PCDHGA9: variants seen among roughly 807,000 people sequenced by gnomAD.
The protein encoded by PCDHGA9 is protocadherin gamma-A9.
A neutral mutation model predicts 62.5 loss-of-function variants in PCDHGA9; 37 were observed. That is an observed-to-expected ratio of 0.59 (90% CI 0.46 to 0.78). PCDHGA9 has a LOEUF of 0.78. Among genes scored for constraint, PCDHGA9 ranks in the 30% least tolerant of loss-of-function variants. The pLI is 0.00. For missense variants in PCDHGA9, 1,138 were observed against 1,166.2 expected (o/e 0.98, Z 0.35); for synonymous variants, 459 against 484.6 (o/e 0.95, Z 0.69).
At chr5:141,495,480 C>A (rs2099761689) in intron 2 of PCDHGA9, among the ~76,000 whole-genome samples, 1 of 152,208 alleles carries the variant, frequency 6.6e-6, no homozygotes, top group African/African-American at 2.4e-5. Flanking sequence ...CGTGTCTCTG[C>A]CCCTTTTTCT....
intron 1 of PCDHGA9, among the ~76,000 whole-genome samples, chr5:141,448,040 C>T (rs892207188): frequency 6.6e-6 from 1 of 151,850 alleles, no homozygotes; most frequent in Admixed American, 6.6e-5. Context: ...GAGCCAAGAT[C>T]ATGCCATTGC....
At chr5:141,430,078 T>A (rs911861599) in intron 1 of PCDHGA9, among the ~76,000 whole-genome samples, 2 of 152,282 alleles carry the variant, frequency 1.3e-5, no homozygotes, top group Admixed American at 1.3e-4. Context: ...TTCCATAATA[T>A]CATGAAAATT....
In PCDHGA9 at chr5:141,511,829, G is replaced by A. The variant is rs1181369164; in HGVS notation, c.*656G>A. 1 of 156,774 alleles carries A rather than the reference G, an allele frequency of 6.4e-6. No individual in the cohort carries two copies. Among genetic ancestry groups the A allele is most frequent in the Non-Finnish European group, 1.4e-5 (1 of 70,652 alleles). The allele number at this position is 156,774 out of a possible 1,614,324, so 9.7% of individuals were successfully genotyped here. Reference sequence around the variant, plus strand: ...TACCAAGCCTCTTCCCAACGCCCTGGGGACCAGTCTTCTGTTTTGTTTTTC... The same window carrying A: ...TACCAAGCCTCTTCCCAACGCCCTGAGGACCAGTCTTCTGTTTTGTTTTTC... On this transcript the variant is annotated 3_prime_UTR_variant, in exon 4 of 4. Transcript: ENST00000573521.
chr5:141,501,442 T>C (rs1202229661), intron 2 of PCDHGA9, among the ~76,000 whole-genome samples: 1 of 152,016 alleles, frequency 6.6e-6, no homozygotes, highest in African/African-American at 2.4e-5. Context: ...ATTTCTTCCA[T>C]TTTTACTTTT....
intron 1 of PCDHGA9, chr5:141,411,436 T>C (rs2095489663): frequency 6.7e-6 from 1 of 149,586 alleles, no homozygotes; most frequent in South Asian, 2.1e-4. Flanking sequence ...AAAAAAACAT[T>C]AGCAGAGTGT....
intron 1 of PCDHGA9, among the ~76,000 whole-genome samples, chr5:141,447,339 A>T (rs767342137): frequency 6.6e-6 from 1 of 151,770 alleles, no homozygotes; most frequent in Non-Finnish European, 1.5e-5. Flanking sequence ...GGGTTTCATC[A>T]TATTGGTCAG....
intron 2 of PCDHGA9, among the ~76,000 whole-genome samples, chr5:141,500,112 C>G (rs2099796438): frequency 6.8e-6 from 1 of 147,138 alleles, no homozygotes; most frequent in Non-Finnish European, 1.5e-5. Context: ...TGTTGAATCC[C>G]TGCCTTTTCA....
At chr5:141,426,937 C>T in intron 1 of PCDHGA9, 1 of 456,736 alleles carries the variant, frequency 2.2e-6, no homozygotes, top group Non-Finnish European at 4.4e-6. Flanking sequence ...ATGGGTGACC[C>T]AGTCCCAACT....
In PCDHGA9 at chr5:141,490,507, G is replaced by C; in HGVS notation, c.2425-4300G>C. 1 of 1,614,016 alleles carries C rather than the reference G, an allele frequency of 6.2e-7. No individual in the cohort carries two copies. Among genetic ancestry groups the C allele is most frequent in the Non-Finnish European group, 8.5e-7 (1 of 1,180,002 alleles). On this transcript the variant is annotated intron_variant, in intron 1 of 3. Transcript: ENST00000573521. The surrounding 1 kb of genome is among the most constrained non-coding windows in gnomAD (Gnocchi z 5.4). ...GGAGGCCACATCCCACTATATCATCGAGCTGCTGGCCAGCGATGCTGGTTC... is the reference window on the plus strand; with the variant it reads ...GGAGGCCACATCCCACTATATCATCCAGCTGCTGGCCAGCGATGCTGGTTC...
rs962136728 is a variant in PCDHGA9 at position 141,491,524 on chromosome 5, G to A, written c.2425-3283G>A. 1 of 1,613,960 alleles carries A rather than the reference G, an allele frequency of 6.2e-7. No homozygotes were observed. The highest frequency in any genetic ancestry group is 1.3e-5 in the African/African-American group (1 of 74,936). On this transcript the variant is annotated intron_variant, in intron 1 of 3. Coordinates refer to ENST00000573521, the MANE Select transcript of PCDHGA9 (RefSeq NM_018921.3). The surrounding 1 kb of genome is among the most constrained non-coding windows in gnomAD (Gnocchi z 6.9). ...GGACGGCACGCTCAAGTACATGGAG[G>A]TGACGCTGCGGCCCACAGACTCGCA...
At chr5:141,446,390 G>A (rs2098500089) in intron 1 of PCDHGA9, among the ~76,000 whole-genome samples, 1 of 152,284 alleles carries the variant, frequency 6.6e-6, no homozygotes, top group African/African-American at 2.4e-5. Context: ...ATAGATTTAA[G>A]AGAAATCGAG....
intron 1 of PCDHGA9, among the ~76,000 whole-genome samples, chr5:141,470,717 A>G (rs1353989037): frequency 6.6e-6 from 1 of 152,010 alleles, no homozygotes; most frequent in Non-Finnish European, 1.5e-5. Flanking sequence ...TATTTTTTTG[A>G]GTCAGGGTCT....
At chr5:141,470,016 C>G (rs116065751) in intron 1 of PCDHGA9, among the ~76,000 whole-genome samples, 1 of 152,146 alleles carries the variant, frequency 6.6e-6, no homozygotes, top group Non-Finnish European at 1.5e-5. Context: ...GTAATCCCAG[C>G]TACTCGGGAT....
chr5:141,489,077 C>G lies in PCDHGA9; in HGVS notation c.2425-5730C>G, dbSNP rs957205894. On this transcript the variant is annotated intron_variant, in intron 1 of 3. Coordinates refer to ENST00000573521, the MANE Select transcript of PCDHGA9 (RefSeq NM_018921.3). The surrounding 1 kb of genome is among the most constrained non-coding windows in gnomAD (Gnocchi z 4.5). The stretch of plus-strand genomic sequence containing the variant: ...AGCTCCCCTCCCCCCTGCCCACCCC[C>G]GCCACTCGGTGACTAAGAACTGCTG... 7 of 325,684 alleles carry G rather than the reference C, an allele frequency of 2.1e-5. No homozygotes were observed. Among genetic ancestry groups the G allele is most frequent in the Non-Finnish European group, 3.9e-5 (7 of 181,468 alleles). The allele number at this position is 325,684 out of a possible 1,614,324, so 20.2% of individuals were successfully genotyped here.
chr5:141,428,224 G>T, intron 1 of PCDHGA9: 1 of 1,164,316 alleles, frequency 8.6e-7, no homozygotes, highest in Non-Finnish European at 1.3e-6. Context: ...AGTCTTCGCA[G>T]ACAGCCTGCA....
rs187873649 is a variant in PCDHGA9, at chr5:141,469,715, G to A, written c.2425-25092G>A. ...TATGACCTAGTAATCACACTATTAG[G>A]AATTTATCATAAATACACACCTCAA... On this transcript the variant is annotated intron_variant, in intron 1 of 3. Coordinates refer to ENST00000573521, the MANE Select transcript of PCDHGA9 (RefSeq NM_018921.3). Among the ~76,000 whole-genome samples, 552 of 152,160 alleles carry A rather than the reference G, an allele frequency of 3.6e-3. 1 individual carries two copies. Among genetic ancestry groups the A allele is most frequent in the Non-Finnish European group, 5.8e-3 (397 of 68,008 alleles).
Position 141,489,072 on chromosome 5 carries a change from AC to A in PCDHGA9, c.2425-5730del. The A allele has an allele frequency of 6.3e-6, 1 of 157,708 alleles. No individual in the cohort carries two copies. The highest frequency in any genetic ancestry group is 1.2e-5 in the Non-Finnish European group (1 of 83,994). The allele number at this position is 157,708 out of a possible 1,614,324, so 9.8% of individuals were successfully genotyped here. On this transcript the variant is annotated intron_variant, in intron 1 of 3. Coordinates refer to ENST00000573521, the MANE Select transcript of PCDHGA9 (RefSeq NM_018921.3). This position sits in a 1 kb window ranked among gnomAD's most constrained non-coding sequence, Gnocchi z 4.5. ...AATTCAGCTCCCCTCCCCCCTGCCC[AC>A]CCCCGCCACTCGGTGACTAAGAACT...
rs765809429 is a variant in PCDHGA9 at position 141,511,205 on chromosome 5, C to A, written c.*32C>A. On this transcript the variant is annotated 3_prime_UTR_variant, in exon 4 of 4. Coordinates refer to ENST00000573521, the MANE Select transcript of PCDHGA9 (RefSeq NM_018921.3). ...GGCCAGGCCAAGAGCCACAGGGCGGCCTCTCCCCAACCAGCCCAGCTTCTC... is the reference window on the plus strand; with the variant it reads ...GGCCAGGCCAAGAGCCACAGGGCGGACTCTCCCCAACCAGCCCAGCTTCTC... 4.3e-6 allele frequency: 7 copies of A among 1,611,426 alleles called. No homozygotes were observed. The Admixed American group carries it at 6.7e-5, about 15-fold the overall frequency.
chr5:141,413,533 C>G, intron 1 of PCDHGA9: 1 of 1,613,934 alleles, frequency 6.2e-7, no homozygotes, highest in Non-Finnish European at 8.5e-7. Flanking sequence ...CAGGGTGAAA[C>G]TTTTTGGGAT....
Sources: allele counts gnomAD v4.1 joint callset (sites outside exome capture counted in the v4.1 genomes callset), GRCh38; gene constraint gnomAD v4.1.1; non-coding constraint Gnocchi (gnomAD v3.1); transcripts MANE v1.5; gene names NCBI Gene and HGNC (gene_info 2026-07-23, HGNC 2026-07-21).